Variants in CALB2 observed in about 807,000 individuals in gnomAD.
The protein encoded by CALB2 is calretinin.
In CALB2, 34 loss-of-function variants were observed where a neutral mutation model predicts 45.9. The observed-to-expected ratio is 0.74, with a 90% CI of 0.56 to 0.99. The LOEUF (loss-of-function observed/expected upper bound fraction) is 0.99. Among genes scored for constraint, CALB2 ranks in the 50% least tolerant of loss-of-function variants. The pLI is 0.00. For missense variants in CALB2, 344 were observed against 339.3 expected, an observed-to-expected ratio of 1.01 and a Z score of -0.11; for synonymous variants, 142 against 129.6, an observed-to-expected ratio of 1.10 and a Z score of -0.65.
chr16:71,368,110 C>G (rs2042307942), intron 1 of CALB2, among the ~76,000 whole-genome samples: 1 of 152,194 alleles, frequency 6.6e-6, no homozygotes, highest in Non-Finnish European at 1.5e-5. Flanking sequence ...AATTCATTTC[C>G]TTGCTTATTA....
chr16:71,379,698 G>A (rs1286084488), intron 4 of CALB2, among the ~76,000 whole-genome samples: 2 of 152,104 alleles, frequency 1.3e-5, no homozygotes, highest in African/African-American at 2.4e-5. Context: ...TCCAGCCACC[G>A]GTAATCCCCT....
chr16:71,368,133 C>T (rs1355337317), intron 1 of CALB2, among the ~76,000 whole-genome samples: 1 of 152,194 alleles, frequency 6.6e-6, no homozygotes, highest in African/African-American at 2.4e-5. Flanking sequence ...TGTCCCCTGC[C>T]CCACCCACAC....
chr16:71,370,318 G>A (rs531768273), intron 1 of CALB2, among the ~76,000 whole-genome samples: 5 of 152,220 alleles, frequency 3.3e-5, no homozygotes, highest in Admixed American at 6.5e-5. Flanking sequence ...TCTCTGTTGC[G>A]TTTGTAATTC....
rs116792803 is a variant in CALB2 at position 71,372,478 on chromosome 16, G to A, written c.171+249G>A. On this transcript the variant is annotated intron_variant, in intron 2 of 10. Coordinates refer to ENST00000302628, the MANE Select transcript of CALB2 (RefSeq NM_001740.5). ...ATGAATCCTCCTGCAAAGCTGCAAA[G>A]CTTTGTCTGCGTATGCGTATATTAA... Among the ~76,000 whole-genome samples the A allele has an allele frequency of 4.5e-3, 685 of 152,256 alleles. 6 individuals are homozygous for A. The highest frequency in any genetic ancestry group is 0.016 in the African/African-American group (654 of 41,544).
chr16:71,361,019 C>A (rs2042233358), intron 1 of CALB2, among the ~76,000 whole-genome samples: 1 of 152,158 alleles, frequency 6.6e-6, no homozygotes, highest in African/African-American at 2.4e-5. Context: ...TCGTGTATCC[C>A]AAAATGGGGT....
At chr16:71,370,425 T>C (rs2042335789) in intron 1 of CALB2, among the ~76,000 whole-genome samples, 1 of 152,176 alleles carries the variant, frequency 6.6e-6, no homozygotes, top group Non-Finnish European at 1.5e-5. Context: ...AATTTGGAAC[T>C]TGATGTTAGG....
chr16:71,378,543 T>A (rs1403460483), intron 4 of CALB2, among the ~76,000 whole-genome samples: 1 of 151,866 alleles, frequency 6.6e-6, no homozygotes, highest in African/African-American at 2.4e-5. Context: ...CTATCTCAAA[T>A]TAAAAACAAA....
intron 1 of CALB2, among the ~76,000 whole-genome samples, chr16:71,363,064 G>A (rs1179973204): frequency 6.6e-6 from 1 of 151,496 alleles, no homozygotes; most frequent in Non-Finnish European, 1.5e-5. Flanking sequence ...CACGCCTGTA[G>A]TCCCAGCTAC....
In CALB2 at chr16:71,373,560, A is replaced by G. The variant is rs559674490; in HGVS notation, c.172-1185A>G. On this transcript the variant is annotated intron_variant, in intron 2 of 10. Transcript: ENST00000302628. ...CCCTTCCTCAGATGTCATCCGGGTAATTTTCAAGTCTGTCAACAATCCCAA... is the reference window on the plus strand; with the variant it reads ...CCCTTCCTCAGATGTCATCCGGGTAGTTTTCAAGTCTGTCAACAATCCCAA... Among the ~76,000 whole-genome samples the G allele has an allele frequency of 2.4e-3, 368 of 152,240 alleles. 3 individuals carry two copies. The highest frequency in any genetic ancestry group is 3.8e-3 in the Non-Finnish European group (260 of 68,010).
chr16:71,377,390 A>C (rs562192638), intron 3 of CALB2, among the ~76,000 whole-genome samples: 1 of 152,296 alleles, frequency 6.6e-6, no homozygotes, highest in African/African-American at 2.4e-5. Context: ...TCTGTTAAGT[A>C]TTCTTTTGAG....
At chr16:71,388,997 CAA>C (rs146702342) in intron 10 of CALB2, among the ~76,000 whole-genome samples, 35,710 of 58,948 alleles carry the variant, frequency 0.61, 8,455 homozygotes, top group Admixed American at 0.64. Flanking sequence ...GACTCCATCT[CAA>C]AAAAAAAAAA....
chr16:71,363,616 G>A (rs540084495), intron 1 of CALB2, among the ~76,000 whole-genome samples: 17 of 152,298 alleles, frequency 1.1e-4, no homozygotes, highest in African/African-American at 4.1e-4. Flanking sequence ...TAGGGAATGG[G>A]GAGGAAATTT....
At chr16:71,379,119 A>G (rs1233994583) in intron 4 of CALB2, among the ~76,000 whole-genome samples, 1 of 152,018 alleles carries the variant, frequency 6.6e-6, no homozygotes, top group East Asian at 1.9e-4. Flanking sequence ...TTTACTACAG[A>G]TGCAAAAATT....
intron 1 of CALB2, among the ~76,000 whole-genome samples, chr16:71,361,126 G>C (rs1356853629): frequency 6.6e-6 from 1 of 152,168 alleles, no homozygotes; most frequent in African/African-American, 2.4e-5. Context: ...CTGCTCCGGG[G>C]TGAAGGGGGA....
At chr16:71,378,068 A>G (rs1398086785) in intron 4 of CALB2, among the ~76,000 whole-genome samples, 1 of 152,136 alleles carries the variant, frequency 6.6e-6, no homozygotes, top group Admixed American at 6.5e-5. Context: ...ACCAAAATAC[A>G]AAAAAGTTAG....
chr16:71,377,589 T>A, intron 3 of CALB2, 78 bp from the exon 4 acceptor site: 3 of 1,000,646 alleles, frequency 3.0e-6, no homozygotes, highest in Non-Finnish European at 3.1e-6. Flanking sequence ...GCCCTTTCCA[T>A]CCTTCTTAGG....
At chr16:71,389,720 T>C in intron 10 of CALB2, 29 bp from the exon 11 acceptor site, 1 of 1,559,436 alleles carries the variant, frequency 6.4e-7, no homozygotes, top group Non-Finnish European at 8.8e-7. Context: ...CCCCTGAACC[T>C]GCTCTTACCC....
Position 71,389,904 on chromosome 16 carries a change from C to T in CALB2, c.*39C>T, listed in dbSNP as rs1043726614. The T allele has an allele frequency of 7.0e-7, 1 of 1,420,894 alleles. No homozygotes were observed. Among genetic ancestry groups the T allele is most frequent in the Middle Eastern group, 2.3e-4 (1 of 4,416 alleles). The allele number at this position is 1,420,894 out of a possible 1,614,324, so 88.0% of individuals were successfully genotyped here. Reference sequence around the variant, plus strand: ...GCTGCTTCTCCACCTCCCCCAAACCCTGCTTCTGCTGCCCTGATGCGTCTA... The same window carrying T: ...GCTGCTTCTCCACCTCCCCCAAACCTTGCTTCTGCTGCCCTGATGCGTCTA... On this transcript the variant is annotated 3_prime_UTR_variant, in exon 11 of 11. Coordinates refer to ENST00000302628, the MANE Select transcript of CALB2 (RefSeq NM_001740.5).
At chr16:71,380,436 C>T (rs1265150737) in intron 4 of CALB2, among the ~76,000 whole-genome samples, 1 of 148,296 alleles carries the variant, frequency 6.7e-6, no homozygotes, top group East Asian at 2.0e-4. Context: ...AGCCTCCCGC[C>T]GAGCTCGGAT....
Sources: allele counts gnomAD v4.1 joint callset (sites outside exome capture counted in the v4.1 genomes callset), GRCh38; gene constraint gnomAD v4.1.1; transcripts MANE v1.5; gene names NCBI Gene and HGNC (gene_info 2026-07-23, HGNC 2026-07-21).